Variants in DNAAF9 observed in about 807,000 individuals in gnomAD.
DNAAF9 encodes shulin.
Under a neutral mutation model 167.0 loss-of-function variants are expected in DNAAF9, and 90 were observed. That is an observed-to-expected ratio of 0.54 (90% CI 0.45 to 0.64). The LOEUF is 0.64. DNAAF9 is among the 30% of genes least tolerant of loss of function. DNAAF9 has a pLI of 0.00. For synonymous variants in DNAAF9, 491 were observed against 508.8 expected, an observed-to-expected ratio of 0.96 and a Z score of 0.47; for missense variants, 1,315 against 1,442.2, an observed-to-expected ratio of 0.91 and a Z score of 1.43.
intron 1 of DNAAF9, among the ~76,000 whole-genome samples, chr20:3,395,016 G>A (rs1462855674): frequency 8.1e-6 from 1 of 123,384 alleles, no homozygotes. Context: ...CGCCCAGGCT[G>A]GAGTGCAGTG....
Position 3,316,753 on chromosome 20 carries a change from A to C in DNAAF9, c.1509T>G (p.Thr503=). ...AGGAGCAGAATCTGGGTACAGCAGC[A>C]GTCAGGACTACGGAGCTGGTTTCTG... ...VTTETSSVVL[T]AAVPRFCSWL... is the part of the protein sequence containing the mutation. Residue 503 remains threonine (T), a synonymous_variant, in exon 18 of 37, where the codon ACT becomes ACG. Transcript: ENST00000252032. The C allele has an allele frequency of 6.2e-7, 1 of 1,613,912 alleles. No homozygotes were observed. Among genetic ancestry groups the C allele is most frequent in the Non-Finnish European group, 8.5e-7 (1 of 1,179,816 alleles).
chr20:3,343,069 T>A (rs553973266), intron 9 of DNAAF9, among the ~76,000 whole-genome samples: 187 of 152,228 alleles, frequency 1.2e-3, no homozygotes, highest in African/African-American at 4.2e-3. Context: ...ATTTGTTAGG[T>A]CCCATTTATT....
At chr20:3,403,717 C>T (rs183871898) in intron 1 of DNAAF9, among the ~76,000 whole-genome samples, 3 of 152,068 alleles carry the variant, frequency 2.0e-5, no homozygotes, top group Admixed American at 2.0e-4. Flanking sequence ...AACTACAGCC[C>T]CATTACTCTA....
intron 31 of DNAAF9, among the ~76,000 whole-genome samples, chr20:3,263,782 T>C (rs1455245319): frequency 1.3e-5 from 2 of 152,224 alleles, no homozygotes; most frequent in African/African-American, 4.8e-5. Flanking sequence ...GAAATGTGGC[T>C]GTGTGGCTGA....
chr20:3,351,974 G>T (rs954162273), intron 7 of DNAAF9, among the ~76,000 whole-genome samples: 12 of 151,968 alleles, frequency 7.9e-5, no homozygotes, highest in African/African-American at 2.9e-4. Context: ...GGCCAGGCTG[G>T]TCTCAAACTC....
At chr20:3,286,734 T>C (rs2068858942) in intron 27 of DNAAF9, among the ~76,000 whole-genome samples, 1 of 152,132 alleles carries the variant, frequency 6.6e-6, no homozygotes, top group East Asian at 1.9e-4. Context: ...CCAGCTTTGC[T>C]CCAATTCCCA....
At chr20:3,280,670 C>A (rs1288377802) in intron 28 of DNAAF9, among the ~76,000 whole-genome samples, 1 of 152,004 alleles carries the variant, frequency 6.6e-6, no homozygotes, top group Non-Finnish European at 1.5e-5. Context: ...GGTTGGAGTG[C>A]AGTAGCATGA....
At chr20:3,276,550 A>G (rs1465827145) in intron 29 of DNAAF9, among the ~76,000 whole-genome samples, 1 of 152,222 alleles carries the variant, frequency 6.6e-6, no homozygotes, top group African/African-American at 2.4e-5. Flanking sequence ...GGTTCAGACT[A>G]AAAGGGGCTT....
chr20:3,343,269 T>C (rs1160599869), intron 9 of DNAAF9, among the ~76,000 whole-genome samples: 1 of 152,102 alleles, frequency 6.6e-6, no homozygotes, highest in Non-Finnish European at 1.5e-5. Flanking sequence ...TTCAAGTGAT[T>C]CTCCTGTCTC....
At chr20:3,295,537 C>G (rs1459550377) in intron 23 of DNAAF9, 4 of 319,732 alleles carry the variant, frequency 1.3e-5, no homozygotes, top group African/African-American at 8.8e-5. Flanking sequence ...ATGTTGAATT[C>G]CCCATCTACA....
At chr20:3,330,941 G>A (rs1047339434) in intron 11 of DNAAF9, among the ~76,000 whole-genome samples, 2 of 151,842 alleles carry the variant, frequency 1.3e-5, no homozygotes, top group African/African-American at 4.8e-5. Flanking sequence ...ACAGGTGCAC[G>A]CCACCATGCC....
Position 3,298,187 on chromosome 20 carries a change from AG to A in DNAAF9, c.1783-13del. On this transcript the variant is annotated splice_polypyrimidine_tract_variant and intron_variant, in intron 21 of 36. Coordinates refer to ENST00000252032, the MANE Select transcript of DNAAF9 (RefSeq NM_001009984.3). Reference sequence around the variant, plus strand: ...GTACTGGTGGAATCCTAAAGCGAAAAGGAGGGAGCATCAGCAAGAAGAGCAT... The same window carrying A: ...GTACTGGTGGAATCCTAAAGCGAAAAGAGGGAGCATCAGCAAGAAGAGCAT... The A allele has an allele frequency of 6.2e-7, 1 of 1,608,526 alleles. No homozygotes were observed. Among genetic ancestry groups the A allele is most frequent in the Non-Finnish European group, 8.5e-7 (1 of 1,177,018 alleles).
intron 12 of DNAAF9, among the ~76,000 whole-genome samples, chr20:3,329,570 C>T (rs538683649): frequency 6.6e-6 from 1 of 152,312 alleles, no homozygotes; most frequent in African/African-American, 2.4e-5. Flanking sequence ...TATATTTCTT[C>T]TATTATATTT....
intron 3 of DNAAF9, among the ~76,000 whole-genome samples, chr20:3,377,383 T>G (rs1011620069): frequency 2.0e-5 from 3 of 152,160 alleles, no homozygotes; most frequent in African/African-American, 7.2e-5. Context: ...ATACTTAGAT[T>G]TCTTTCAGGG....
chr20:3,273,522 A>C (rs746330865), intron 29 of DNAAF9, among the ~76,000 whole-genome samples: 3 of 152,144 alleles, frequency 2.0e-5, no homozygotes, highest in Middle Eastern at 3.2e-3. Context: ...GGGAGCCAGC[A>C]TATCACAGTG....
Position 3,304,435 on chromosome 20 carries a change from C to A in DNAAF9, c.1782+5G>T. On this transcript the variant is annotated splice_donor_5th_base_variant and intron_variant, in intron 21 of 36. Transcript: ENST00000252032. ...AAAAAAGCCACTGACTAGTAAAACA[C>A]CTACCCCATCATAGAAGGAAATGGA... is the stretch of plus-strand genomic sequence containing the variant. 7.6e-7 allele frequency: 1 copy of A among 1,308,176 alleles called. No individual in the cohort carries two copies. The allele number at this position is 1,308,176 out of a possible 1,614,324, so 81.0% of individuals were successfully genotyped here. A position where few individuals can be genotyped will look rare whatever the true frequency, so the allele number is the denominator to read the frequency against.
At position 3,336,131 on chromosome 20, in the gene DNAAF9, A is replaced by T. The variant is rs547126754; in HGVS notation, c.982-3770T>A. ...GAGCGAGACCCCATTTCAAAAAAAA[A>T]ATATTTTTTGTCTGTAGTTTTCAAC... On this transcript the variant is annotated intron_variant, in intron 10 of 36. Transcript: ENST00000252032. Among the ~76,000 whole-genome samples the T allele has an allele frequency of 1.8e-4, 28 of 152,192 alleles. No individual in the cohort carries two copies. In the Middle Eastern group the frequency reaches 0.01, roughly 55 times the overall value.
At chr20:3,317,111 T>A (rs1277160821) in intron 17 of DNAAF9, among the ~76,000 whole-genome samples, 1 of 151,778 alleles carries the variant, frequency 6.6e-6, no homozygotes, top group East Asian at 1.9e-4. Context: ...GCTAGGCTGG[T>A]CTCAAATTCC....
intron 22 of DNAAF9, among the ~76,000 whole-genome samples, chr20:3,297,809 A>G (rs1471155845): frequency 6.6e-6 from 1 of 152,180 alleles, no homozygotes; most frequent in Non-Finnish European, 1.5e-5. Context: ...CTTAAAGGCT[A>G]AAAACCCTCT....
Sources: gnomAD v4.1 joint callset for allele counts (sites outside exome capture counted in the v4.1 genomes callset) on GRCh38, gnomAD v4.1.1 for gene constraint, MANE v1.5 for transcripts, NCBI Gene and HGNC (gene_info 2026-07-23, HGNC 2026-07-21) for gene names.